The following HIBADH variants were observed in gnomAD, a reference collection of about 807,000 sequenced individuals.
HIBADH encodes the protein 3-hydroxyisobutyrate dehydrogenase, mitochondrial.
Under a neutral mutation model 36.1 loss-of-function variants are expected in HIBADH, and 25 were observed. The ratio of observed to expected loss-of-function variants is 0.69; its 90% CI spans 0.50 to 0.97. The LOEUF is 0.97. Ranked by LOEUF, HIBADH falls within the 50% of genes least tolerant of loss-of-function variation. The pLI is 0.00. For missense variants in HIBADH, 421 were observed against 418.0 expected (o/e 1.01, Z -0.06); for synonymous variants, 160 against 149.5 (o/e 1.07, Z -0.51).
chr7:27,570,060 T>C (rs1784605992), intron 4 of HIBADH, among the ~76,000 whole-genome samples: 1 of 152,212 alleles, frequency 6.6e-6, no homozygotes, highest in Non-Finnish European at 1.5e-5. Flanking sequence ...CATGCTGTCT[T>C]TGAATTCAGA....
intron 4 of HIBADH, among the ~76,000 whole-genome samples, chr7:27,594,939 G>T (rs1029852972): frequency 6.6e-6 from 1 of 152,012 alleles, no homozygotes; most frequent in Admixed American, 6.6e-5. Flanking sequence ...AAAATAAACT[G>T]CAAAGGAATA....
intron 4 of HIBADH, among the ~76,000 whole-genome samples, chr7:27,594,115 T>C (rs889818016): frequency 1.3e-5 from 2 of 149,632 alleles, no homozygotes; most frequent in African/African-American, 4.9e-5. Context: ...GTTGAAGAAA[T>C]GTTTAGGTTG....
At chr7:27,530,132 G>A (rs1425040290) in intron 7 of HIBADH, among the ~76,000 whole-genome samples, 1 of 152,158 alleles carries the variant, frequency 6.6e-6, no homozygotes, top group African/African-American at 2.4e-5. Context: ...GTGACTTGTT[G>A]TGGTTGTCTG....
chr7:27,529,507 C>T (rs1220825070), intron 7 of HIBADH, among the ~76,000 whole-genome samples: 1 of 152,152 alleles, frequency 6.6e-6, no homozygotes, highest in African/African-American at 2.4e-5. Flanking sequence ...TGGAGAAAGT[C>T]ACTGCAGACG....
intron 1 of HIBADH, among the ~76,000 whole-genome samples, chr7:27,653,517 C>G (rs991378221): frequency 6.6e-6 from 1 of 151,950 alleles, no homozygotes; most frequent in African/African-American, 2.4e-5. Flanking sequence ...GGGCGGATCA[C>G]GAGGTCAGGA....
intron 1 of HIBADH, among the ~76,000 whole-genome samples, chr7:27,652,622 C>T: frequency 6.6e-6 from 1 of 152,232 alleles, no homozygotes; most frequent in East Asian, 1.9e-4. Context: ...GGAAGTCCAA[C>T]ATGAAGGTGA....
intron 4 of HIBADH, among the ~76,000 whole-genome samples, chr7:27,556,096 G>A (rs1346939785): frequency 2.0e-5 from 3 of 151,902 alleles, no homozygotes; most frequent in African/African-American, 2.4e-5. Context: ...TTGAAAAAAC[G>A]TCCACCATAA....
chr7:27,530,042 A>G (rs899221226), intron 7 of HIBADH, among the ~76,000 whole-genome samples: 16 of 152,238 alleles, frequency 1.1e-4, no homozygotes, highest in Non-Finnish European at 1.9e-4. Flanking sequence ...TTGTTTAGAC[A>G]TAATGCTAAT....
chr7:27,571,541 A>C (rs1784629059), intron 4 of HIBADH, among the ~76,000 whole-genome samples: 1 of 152,040 alleles, frequency 6.6e-6, no homozygotes, highest in Admixed American at 6.6e-5. Context: ...TATTTCTTTA[A>C]ATGTTTTATG....
At chr7:27,662,608 G>A (rs1178719348) in intron 1 of HIBADH, 90 bp downstream of exon 1, 4 of 790,846 alleles carry the variant, frequency 5.1e-6, no homozygotes, top group Non-Finnish European at 7.1e-6. Context: ...CAACCGCAGG[G>A]CCTCCCGAGA....
intron 4 of HIBADH, among the ~76,000 whole-genome samples, chr7:27,549,207 A>T (rs1260680968): frequency 6.6e-6 from 1 of 152,212 alleles, no homozygotes; most frequent in East Asian, 1.9e-4. Flanking sequence ...CTACTGTACA[A>T]CATGGTGATT....
At chr7:27,589,715 G>A (rs1784913212) in intron 4 of HIBADH, among the ~76,000 whole-genome samples, 1 of 152,106 alleles carries the variant, frequency 6.6e-6, no homozygotes, top group South Asian at 2.1e-4. Context: ...CAGTAAAAAG[G>A]CAATTTGGGG....
intron 4 of HIBADH, among the ~76,000 whole-genome samples, chr7:27,605,203 TATA>T (rs1232482095): frequency 1.3e-5 from 2 of 152,150 alleles, no homozygotes; most frequent in Non-Finnish European, 2.9e-5. Context: ...TTATAAAATT[TATA>T]ATGAGCCTTT....
At chr7:27,646,850 C>T (rs544205818) in intron 2 of HIBADH, among the ~76,000 whole-genome samples, 237 of 152,074 alleles carry the variant, frequency 1.6e-3, no homozygotes, top group African/African-American at 5.4e-3. Context: ...CACACGCCAC[C>T]GCGCCTGGCT....
intron 3 of HIBADH, 129 bp from the exon 4 acceptor site, chr7:27,629,621 C>CTAAACTAA: frequency 1.9e-6 from 1 of 538,780 alleles, no homozygotes; most frequent in Non-Finnish European, 3.0e-6. Context: ...GTATTAAAAA[C>CTAAACTAA]ATTATTAATT....
Position 27,645,368 on chromosome 7 carries a change from A to ATGTTTTTTTTTTTTTTTTTTTTTTT in HIBADH, c.252+4104_252+4105insAAAAAAAAAAAAAAAAAAAAAAACA, listed in dbSNP as rs1554300959. ...CTAGTGGGTGTGTCTCATGGTTTTG[A>ATGTTTTTTTTTTTTTTTTTTTTTTT]TTTTTTTTTTTTTTTTTTTTTTTTT... On this transcript the variant is annotated intron_variant, in intron 2 of 7. Transcript: ENST00000265395. Among the ~76,000 whole-genome samples, 5 of 59,650 alleles carry ATGTTTTTTTTTTTTTTTTTTTTTTT rather than the reference A, an allele frequency of 8.4e-5. 1 individual carries two copies. Among genetic ancestry groups the ATGTTTTTTTTTTTTTTTTTTTTTTT allele is most frequent in the Non-Finnish European group, 9.4e-5 (3 of 31,792 alleles). The allele number at this position is 59,650 out of a possible 152,430, so 39.1% of individuals were successfully genotyped here. A position where few individuals can be genotyped will look rare whatever the true frequency, so the allele number is the denominator to read the frequency against.
chr7:27,655,906 A>G (rs1433903057), intron 1 of HIBADH, among the ~76,000 whole-genome samples: 1 of 152,174 alleles, frequency 6.6e-6, no homozygotes, highest in Non-Finnish European at 1.5e-5. Context: ...ATGCTCTCAT[A>G]TACTGTCAAA....
intron 4 of HIBADH, among the ~76,000 whole-genome samples, chr7:27,627,387 A>G (rs992771560): frequency 6.6e-6 from 1 of 152,134 alleles, no homozygotes; most frequent in Non-Finnish European, 1.5e-5. Context: ...CTACCTGTTC[A>G]GACCCTTTAC....
chr7:27,639,300 G>A (rs542069337), intron 2 of HIBADH, among the ~76,000 whole-genome samples: 2 of 152,170 alleles, frequency 1.3e-5, no homozygotes, highest in African/African-American at 4.8e-5. Context: ...AACATGGATA[G>A]AGCTGGAGGC....
Sources: allele counts gnomAD v4.1 joint callset (sites outside exome capture counted in the v4.1 genomes callset), GRCh38; gene constraint gnomAD v4.1.1; transcripts MANE v1.5; gene names NCBI Gene and HGNC (gene_info 2026-07-23, HGNC 2026-07-21).